Variants in CCDC178 observed in about 807,000 individuals in gnomAD.
The protein encoded by CCDC178 is coiled-coil domain-containing protein 178.
A neutral mutation model predicts 117.4 loss-of-function variants in CCDC178; 126 were observed. The observed-to-expected ratio is 1.07, with a 90% CI of 0.93 to 1.24. The LOEUF is 1.24. Ranked by LOEUF, CCDC178 falls within the 50% of genes most tolerant of loss-of-function variation. The pLI, the probability that CCDC178 is intolerant of heterozygous loss-of-function variation, is 0.00. For synonymous variants in CCDC178, 283 were observed against 313.4 expected, an observed-to-expected ratio of 0.90 and a Z score of 1.02; for missense variants, 1,030 against 986.9, an observed-to-expected ratio of 1.04 and a Z score of -0.59.
At chr18:33,213,346 G>A (rs1381328571) in intron 19 of CCDC178, among the ~76,000 whole-genome samples, 1 of 151,942 alleles carries the variant, frequency 6.6e-6, no homozygotes, top group Non-Finnish European at 1.5e-5. Flanking sequence ...TCTTCTACAG[G>A]AAATAAGGTT....
rs536246499 is a variant in CCDC178 at position 33,201,610 on chromosome 18, T to C, written c.2238+10286A>G. ...GCTTCAGTTGGCTGGCTCTGATGTC[T>C]TTGATGTGGGATGTGAAAAAATCAG... On this transcript the variant is annotated intron_variant, in intron 20 of 22. Transcript: ENST00000383096. Among the ~76,000 whole-genome samples, 7 of 152,186 alleles carry C rather than the reference T, an allele frequency of 4.6e-5. No homozygotes were observed. The East Asian group carries it at 1.4e-3, about 29-fold the overall frequency.
chr18:33,205,765 G>A (rs1046150578), intron 20 of CCDC178, among the ~76,000 whole-genome samples: 1 of 152,198 alleles, frequency 6.6e-6, no homozygotes, highest in African/African-American at 2.4e-5. Context: ...CACAATCACA[G>A]CTCACTGCAG....
At chr18:33,433,122 G>A (rs368827300) in intron 2 of CCDC178, among the ~76,000 whole-genome samples, 2 of 152,092 alleles carry the variant, frequency 1.3e-5, no homozygotes, top group Non-Finnish European at 2.9e-5. Flanking sequence ...TTTGGATAAC[G>A]TGAGGGGAGT....
chr18:32,989,753 A>G (rs1184795813), intron 21 of CCDC178, among the ~76,000 whole-genome samples: 2 of 152,154 alleles, frequency 1.3e-5, no homozygotes, highest in African/African-American at 4.8e-5. Flanking sequence ...AGATTTGGCC[A>G]GTGAGCTGTA....
At chr18:32,970,097 T>C (rs1291390738) in intron 22 of CCDC178, among the ~76,000 whole-genome samples, 1 of 152,008 alleles carries the variant, frequency 6.6e-6, no homozygotes, top group South Asian at 2.1e-4. Flanking sequence ...CATATTAAAA[T>C]TGTGGTCAAC....
chr18:33,243,700 G>C (rs755455781), intron 15 of CCDC178, among the ~76,000 whole-genome samples: 1 of 151,814 alleles, frequency 6.6e-6, no homozygotes, highest in African/African-American at 2.4e-5. Flanking sequence ...TCTTTCATAA[G>C]TGAGTACCTC....
chr18:33,035,149 A>C (rs1244226635), intron 21 of CCDC178, among the ~76,000 whole-genome samples: 1 of 152,062 alleles, frequency 6.6e-6, no homozygotes, highest in African/African-American at 2.4e-5. Context: ...CTCTTAGGGT[A>C]GAAGTTAGGA....
At chr18:33,413,457 C>T (rs1019466050) in intron 2 of CCDC178, among the ~76,000 whole-genome samples, 8 of 150,826 alleles carry the variant, frequency 5.3e-5, no homozygotes, top group African/African-American at 1.5e-4. Context: ...TTCTACTACA[C>T]AAAATTACTG....
At chr18:33,351,754 T>C (rs915616380) in intron 7 of CCDC178, among the ~76,000 whole-genome samples, 7 of 152,014 alleles carry the variant, frequency 4.6e-5, no homozygotes, top group Non-Finnish European at 1.5e-5. Context: ...GTTTTGATTA[T>C]GTTGCCTAGG....
rs116051900 is a variant in CCDC178 at position 32,990,003 on chromosome 18, G to A, written c.2389-15322C>T. ...TTTATTCACTGGAAATACATTGTTC[G>A]CAGCTGTAAAAAACTTTTTTACAAA... On this transcript the variant is annotated intron_variant, in intron 21 of 22. Transcript: ENST00000383096. Among the ~76,000 whole-genome samples, 555 of 152,046 alleles carry A rather than the reference G, an allele frequency of 3.7e-3. 3 individuals carry two copies. The highest frequency in any genetic ancestry group is 0.013 in the African/African-American group (523 of 41,462).
chr18:33,162,460 G>A (rs1054437701), intron 20 of CCDC178, among the ~76,000 whole-genome samples: 3 of 151,932 alleles, frequency 2.0e-5, no homozygotes, highest in African/African-American at 7.3e-5. Flanking sequence ...TAGGTTCAGG[G>A]TTACATGTAC....
chr18:33,339,705 TAATG>T (rs1421860432), intron 9 of CCDC178, among the ~76,000 whole-genome samples: 1 of 152,006 alleles, frequency 6.6e-6, no homozygotes, highest in African/African-American at 2.4e-5. Flanking sequence ...ATTCTTGTGA[TAATG>T]AATAAGTTTC....
chr18:33,084,388 G>A (rs548348507), intron 21 of CCDC178, among the ~76,000 whole-genome samples: 226 of 152,240 alleles, frequency 1.5e-3, no homozygotes, highest in African/African-American at 5.2e-3. Flanking sequence ...AAATTTTACA[G>A]GTTCTTTTAT....
intron 22 of CCDC178, among the ~76,000 whole-genome samples, chr18:32,944,456 C>T (rs1442968658): frequency 1.3e-5 from 2 of 152,122 alleles, no homozygotes; most frequent in African/African-American, 4.8e-5. Context: ...ACTGATGGGC[C>T]TATTTTAAAG....
chr18:33,325,830 T>A (rs1316625103), intron 10 of CCDC178, among the ~76,000 whole-genome samples: 1 of 152,198 alleles, frequency 6.6e-6, no homozygotes, highest in East Asian at 1.9e-4. Flanking sequence ...CTTAAGTTTA[T>A]TTGTTGAAGT....
intron 21 of CCDC178, among the ~76,000 whole-genome samples, chr18:33,072,770 T>C (rs759960696): frequency 6.6e-6 from 1 of 152,180 alleles, no homozygotes; most frequent in Non-Finnish European, 1.5e-5. Flanking sequence ...TTTCCTTGTA[T>C]AAAGGTAGAA....
intron 20 of CCDC178, among the ~76,000 whole-genome samples, chr18:33,141,091 G>A (rs1231951549): frequency 6.6e-6 from 1 of 152,132 alleles, no homozygotes; most frequent in Non-Finnish European, 1.5e-5. Context: ...CCATGATTGT[G>A]AGGCCTCCCC....
intron 22 of CCDC178, among the ~76,000 whole-genome samples, chr18:32,966,473 A>G (rs770241062): frequency 2.0e-5 from 3 of 151,894 alleles, no homozygotes; most frequent in African/African-American, 4.8e-5. Flanking sequence ...AAAAATGTTC[A>G]TCAACTATTC....
At chr18:33,386,461 T>C (rs9960467) in intron 5 of CCDC178, among the ~76,000 whole-genome samples, 3,008 of 152,156 alleles carry the variant, frequency 0.02, 65 homozygotes, top group African/African-American at 0.057. Context: ...TGAACATCTA[T>C]GCAAAAATCT....
Sources: gnomAD v4.1 joint callset for allele counts (sites outside exome capture counted in the v4.1 genomes callset) on GRCh38, gnomAD v4.1.1 for gene constraint, MANE v1.5 for transcripts, NCBI Gene and HGNC (gene_info 2026-07-23, HGNC 2026-07-21) for gene names.